WWOX: variants seen among roughly 807,000 people sequenced by gnomAD.
The protein encoded by WWOX is WW domain-containing oxidoreductase.
Under a neutral mutation model 46.2 loss-of-function variants are expected in WWOX, and 69 were observed. The observed-to-expected ratio is 1.49, with a 90% CI of 1.23 to 1.82. WWOX has a LOEUF of 1.82. Among genes scored for constraint, WWOX ranks in the 40% most tolerant of loss-of-function variants. The pLI is 0.00. For missense variants in WWOX, 919 were observed against 542.6 expected, an observed-to-expected ratio of 1.69 and a Z score of -6.89; for synonymous variants, 359 against 202.6, an observed-to-expected ratio of 1.77 and a Z score of -6.56.
intron 8 of WWOX, among the ~76,000 whole-genome samples, chr16:78,711,142 C>A (rs1105242): frequency 0.61 from 92,370 of 151,478 alleles, 29,117 homozygotes; most frequent in African/African-American, 0.79. Context: ...GTGGGACCTT[C>A]TTTGTGTCCT....
intron 8 of WWOX, among the ~76,000 whole-genome samples, chr16:79,030,957 T>C (rs915077568): frequency 2.0e-5 from 3 of 151,890 alleles, no homozygotes; most frequent in Non-Finnish European, 2.9e-5. Flanking sequence ...CTGGGTATGG[T>C]GGCACATGCC....
intron 8 of WWOX, among the ~76,000 whole-genome samples, chr16:79,043,040 C>A (rs567804647): frequency 6.6e-6 from 1 of 152,172 alleles, no homozygotes; most frequent in Non-Finnish European, 1.5e-5. Flanking sequence ...GGGACAGGCT[C>A]TCCTGTCATC....
At chr16:78,503,918 T>A (rs2151478366) in intron 8 of WWOX, 1 of 152,372 alleles carries the variant, frequency 6.6e-6, no homozygotes, top group South Asian at 2.1e-4. Flanking sequence ...CGACTAAGTG[T>A]ACAATAAATA....
chr16:78,514,531 G>C (rs2085442029), intron 8 of WWOX, among the ~76,000 whole-genome samples: 1 of 152,262 alleles, frequency 6.6e-6, no homozygotes, highest in Non-Finnish European at 1.5e-5. Context: ...ACTTAGATAG[G>C]CATCATTGCC....
At chr16:78,980,179 A>G (rs1256782709) in intron 8 of WWOX, among the ~76,000 whole-genome samples, 2 of 152,176 alleles carry the variant, frequency 1.3e-5, no homozygotes, top group African/African-American at 2.4e-5. Context: ...CTCCCACCCC[A>G]AATCCTTGCT....
chr16:78,432,879 A>G lies in WWOX; in HGVS notation c.1056+127A>G, dbSNP rs929131597. The G allele has an allele frequency of 2.8e-6, 4 of 1,427,940 alleles. No individual in the cohort carries two copies. The African/African-American group carries it at 4.2e-5, about 15-fold the overall frequency. The allele number at this position is 1,427,940 out of a possible 1,614,324, so 88.5% of individuals were successfully genotyped here. ...CAGTAATAACATTGTCCAGCCCATC[A>G]TAAAGGGCTCTTGAACACATTTTCA... is the stretch of plus-strand genomic sequence containing the variant. On this transcript the variant is annotated intron_variant, in intron 8 of 8. Coordinates refer to ENST00000566780, the MANE Select transcript of WWOX (RefSeq NM_016373.4).
intron 5 of WWOX, among the ~76,000 whole-genome samples, chr16:78,384,638 A>G (rs1275899784): frequency 6.6e-6 from 1 of 152,118 alleles, no homozygotes; most frequent in Non-Finnish European, 1.5e-5. Context: ...GTAGGAAACT[A>G]ACAACCCACG....
Position 78,263,996 on chromosome 16 carries a change from C to CTTTTTTTTTTTTTTTTTTTTTTTTTTTT in WWOX, c.516+99726_516+99727insTTTTTTTTTTTTTTTTTTTTTTTTTTTT, listed in dbSNP as rs757195574. The stretch of plus-strand genomic sequence containing the variant: ...AGAAATATGTGTTTGGCTGTGAAAT[C>CTTTTTTTTTTTTTTTTTTTTTTTTTTTT]TTTTTTTTTTTTTTTTTTTGTTTTT... On this transcript the variant is annotated intron_variant, in intron 5 of 8. Transcript: ENST00000566780. Among the ~76,000 whole-genome samples, 34 of 78,824 alleles carry CTTTTTTTTTTTTTTTTTTTTTTTTTTTT rather than the reference C, an allele frequency of 4.3e-4. 9 individuals carry two copies. Among genetic ancestry groups the CTTTTTTTTTTTTTTTTTTTTTTTTTTTT allele is most frequent in the South Asian group, 5.5e-4 (1 of 1,814 alleles). The allele number at this position is 78,824 out of a possible 152,430, so 51.7% of individuals were successfully genotyped here. A position where few individuals can be genotyped will look rare whatever the true frequency, so the allele number is the denominator to read the frequency against.
At chr16:78,887,458 A>G (rs887686451) in intron 8 of WWOX, among the ~76,000 whole-genome samples, 2 of 134,288 alleles carry the variant, frequency 1.5e-5, no homozygotes, top group Non-Finnish European at 3.1e-5. Context: ...GAAGGCAACA[A>G]AGTATATAAA....
chr16:78,687,090 A>AT (rs34855242), intron 8 of WWOX, among the ~76,000 whole-genome samples: 60,152 of 151,380 alleles, frequency 0.4, 12,806 homozygotes, highest in Admixed American at 0.54. Flanking sequence ...TTTAAAACAC[A>AT]TTTTTTTTTC....
intron 5 of WWOX, among the ~76,000 whole-genome samples, chr16:78,323,840 GA>G (rs2080546278): frequency 6.6e-6 from 1 of 152,150 alleles, no homozygotes; most frequent in South Asian, 2.1e-4. Flanking sequence ...CCTAAAACTG[GA>G]TAGGAACCCA....
intron 8 of WWOX, among the ~76,000 whole-genome samples, chr16:78,681,896 C>G (rs1379778721): frequency 6.6e-6 from 1 of 152,178 alleles, no homozygotes; most frequent in African/African-American, 2.4e-5. Context: ...CCCCACCCCG[C>G]AGAGCCCCTC....
chr16:78,192,357 G>A (rs2035909411), intron 5 of WWOX, among the ~76,000 whole-genome samples: 1 of 151,960 alleles, frequency 6.6e-6, no homozygotes, highest in Non-Finnish European at 1.5e-5. Context: ...TAGGCTTGGT[G>A]GCACGTGCCT....
At chr16:78,833,672 T>A (rs1213927566) in intron 8 of WWOX, among the ~76,000 whole-genome samples, 1 of 152,242 alleles carries the variant, frequency 6.6e-6, no homozygotes, top group Non-Finnish European at 1.5e-5. Context: ...AATATCTATA[T>A]GGTGCTTAGA....
At chr16:78,702,544 G>A (rs1245531269) in intron 8 of WWOX, among the ~76,000 whole-genome samples, 1 of 151,492 alleles carries the variant, frequency 6.6e-6, no homozygotes, top group Admixed American at 6.6e-5. Flanking sequence ...CCAAATGCTT[G>A]CTCGGGAGGC....
chr16:78,719,319 A>C (rs547493401), intron 8 of WWOX, among the ~76,000 whole-genome samples: 2 of 152,298 alleles, frequency 1.3e-5, no homozygotes, highest in South Asian at 2.1e-4. Flanking sequence ...AGCCCCATTA[A>C]CCATCCCTGC....
intron 5 of WWOX, among the ~76,000 whole-genome samples, chr16:78,230,391 G>A (rs2037218399): frequency 6.6e-6 from 1 of 152,212 alleles, no homozygotes; most frequent in Non-Finnish European, 1.5e-5. Context: ...ATGTACACAA[G>A]CATTTGACTG....
At chr16:78,761,541 C>T (rs187737626) in intron 8 of WWOX, among the ~76,000 whole-genome samples, 664 of 152,142 alleles carry the variant, frequency 4.4e-3, no homozygotes, top group Middle Eastern at 0.01. Context: ...CTGATAGTTT[C>T]CCTGTGGTTT....
At chr16:78,574,955 C>T (rs1252115375) in intron 8 of WWOX, among the ~76,000 whole-genome samples, 2 of 124,930 alleles carry the variant, frequency 1.6e-5, no homozygotes, top group Non-Finnish European at 1.7e-5. Flanking sequence ...GTAATCAAAT[C>T]ATTACTTTAT....
Sources: gnomAD v4.1 joint callset for allele counts (sites outside exome capture counted in the v4.1 genomes callset) on GRCh38, gnomAD v4.1.1 for gene constraint, MANE v1.5 for transcripts, NCBI Gene and HGNC (gene_info 2026-07-23, HGNC 2026-07-21) for gene names.